NFATC2: variants seen among roughly 807,000 people sequenced by gnomAD.
The protein encoded by NFATC2 is nuclear factor of activated T cells 2, also known as nuclear factor of activated T-cells, cytoplasmic 2.
In NFATC2, 22 loss-of-function variants were observed where a neutral mutation model predicts 87.3. That is an observed-to-expected ratio of 0.25 (90% confidence interval 0.18 to 0.36). The LOEUF (loss-of-function observed/expected upper bound fraction) is 0.36. Ranked by LOEUF, NFATC2 falls within the 10% of genes least tolerant of loss-of-function variation. The pLI, the probability that NFATC2 is intolerant of heterozygous loss-of-function variation, is 1.00. For missense variants in NFATC2, 1,149 were observed against 1,259.1 expected (o/e 0.91, Z 1.32); for synonymous variants, 565 against 542.2 (o/e 1.04, Z -0.58).
At chr20:51,540,337 T>A (rs373820521) in intron 1 of NFATC2, among the ~76,000 whole-genome samples, 11 of 152,152 alleles carry the variant, frequency 7.2e-5, no homozygotes, top group African/African-American at 2.4e-4. Flanking sequence ...CTTGATACGA[T>A]GTGATGAGAA....
chr20:51,550,179 A>G (rs1056174444), intron 1 of NFATC2, among the ~76,000 whole-genome samples: 1 of 152,180 alleles, frequency 6.6e-6, no homozygotes, highest in Non-Finnish European at 1.5e-5. Context: ...TCCTGTCTCT[A>G]TGAAAAATAA....
intron 5 of NFATC2, among the ~76,000 whole-genome samples, chr20:51,463,139 C>A (rs1987324943): frequency 6.6e-6 from 1 of 152,260 alleles, no homozygotes; most frequent in Admixed American, 6.5e-5. Flanking sequence ...CCGACTCAGG[C>A]ATCTCCCGGG....
intron 1 of NFATC2, among the ~76,000 whole-genome samples, chr20:51,553,469 A>T (rs1428093830): frequency 6.6e-6 from 1 of 151,944 alleles, no homozygotes; most frequent in Non-Finnish European, 1.5e-5. Flanking sequence ...AGGTCAGGAG[A>T]TCGAGACCAT....
intron 9 of NFATC2, among the ~76,000 whole-genome samples, chr20:51,407,792 T>A (rs1465814855): frequency 6.6e-6 from 1 of 152,238 alleles, no homozygotes; most frequent in South Asian, 2.1e-4. Context: ...TCTGGAACCC[T>A]AAGCCTTCAC....
intron 9 of NFATC2, among the ~76,000 whole-genome samples, chr20:51,431,346 C>G (rs142182563): frequency 6.6e-6 from 1 of 152,136 alleles, no homozygotes; most frequent in Non-Finnish European, 1.5e-5. Context: ...GATCCTGGAC[C>G]AACACCTCAT....
chr20:51,394,207 C>T (rs113137707), intron 10 of NFATC2, among the ~76,000 whole-genome samples: 132 of 152,148 alleles, frequency 8.7e-4, no homozygotes, highest in Non-Finnish European at 1.3e-3. Flanking sequence ...ACAGAAATGC[C>T]GGCTAGGTGG....
intron 6 of NFATC2, among the ~76,000 whole-genome samples, chr20:51,446,634 G>A (rs1030257949): frequency 3.9e-5 from 6 of 152,238 alleles, no homozygotes; most frequent in African/African-American, 1.4e-4. Flanking sequence ...GGAATGAACT[G>A]CAGGATTCTT....
At chr20:51,436,393 A>AT (rs11481937) in intron 6 of NFATC2, among the ~76,000 whole-genome samples, 88,216 of 142,272 alleles carry the variant, frequency 0.62, 28,691 homozygotes, top group Non-Finnish European at 0.72. Flanking sequence ...CTATCTTTCT[A>AT]TTTTTTTTTT....
At chr20:51,561,303 G>A (rs1262470466) in intron 1 of NFATC2, among the ~76,000 whole-genome samples, 1 of 131,642 alleles carries the variant, frequency 7.6e-6, no homozygotes, top group African/African-American at 3.0e-5. Context: ...CCTAACCCAA[G>A]GCATTTGGCT....
At position 51,523,811 on chromosome 20, in the gene NFATC2, C is replaced by G. The variant is rs1414109385; in HGVS notation, c.430G>C (p.Gly144Arg). The G allele has an allele frequency of 1.1e-5, 17 of 1,608,132 alleles. No homozygotes were observed. Among genetic ancestry groups the G allele is most frequent in the Non-Finnish European group, 1.4e-5 (16 of 1,177,462 alleles). ...GTGAACCTCGGGCTGGCGGCCACCCCGGCCAGGGGCGGCTGCTCCACCAGG... is the reference window on the plus strand; with the variant it reads ...GTGAACCTCGGGCTGGCGGCCACCCGGGCCAGGGGCGGCTGCTCCACCAGG... ...GLLVEQPPLA[G>R]VAASPRFTLP... Residue 144 changes from glycine to arginine, a missense_variant, in exon 2 of 11, where the codon GGG becomes CGG. By Grantham distance (125) the Gly-to-Arg change is moderately radical. This residue lies in a region of NFATC2 where 563 missense variants were observed against 585.2 expected (regional missense o/e 0.96). Transcript: ENST00000371564. This position sits in a 1 kb window ranked among gnomAD's most constrained non-coding sequence, Gnocchi z 6.9.
intron 1 of NFATC2, 67 bp downstream of exon 1, chr20:51,542,303 G>T: frequency 6.5e-7 from 1 of 1,543,042 alleles, no homozygotes; most frequent in Admixed American, 2.1e-5. Flanking sequence ...GAGGACTCCT[G>T]TGCCCAGTCC....
intron 6 of NFATC2, among the ~76,000 whole-genome samples, chr20:51,447,209 G>C (rs1490786336): frequency 6.6e-6 from 1 of 152,214 alleles, no homozygotes; most frequent in Non-Finnish European, 1.5e-5. Flanking sequence ...CAGTGGGAAA[G>C]AGGGAATTCC....
chr20:51,427,660 G>A (rs1600709430), intron 9 of NFATC2, among the ~76,000 whole-genome samples: 2 of 152,126 alleles, frequency 1.3e-5, no homozygotes, highest in East Asian at 1.9e-4. Flanking sequence ...GCAAGCCCAC[G>A]TCTCCGAGTT....
chr20:51,471,153 G>A (rs1000809966), intron 5 of NFATC2, among the ~76,000 whole-genome samples: 1 of 152,160 alleles, frequency 6.6e-6, no homozygotes, highest in Non-Finnish European at 1.5e-5. Flanking sequence ...GGTACATGTG[G>A]TTAAGCGATG....
At position 51,519,365 on chromosome 20, in the gene NFATC2, G is replaced by A. The variant is rs1040628741; in HGVS notation, c.1161-2410C>T. Among the ~76,000 whole-genome samples the A allele has an allele frequency of 2.6e-5, 4 of 151,580 alleles. No individual in the cohort carries two copies. In the East Asian group the frequency reaches 5.8e-4, roughly 22 times the overall value. ...GAAGTAGAGCATGCCTGTAATCCCA[G>A]CACTTATGGGAGGCTGAAGCGGGTG... On this transcript the variant is annotated intron_variant, in intron 2 of 10. Transcript: ENST00000371564.
intron 9 of NFATC2, among the ~76,000 whole-genome samples, chr20:51,418,659 G>GTTTTTTTTTTTTTTTTTT (rs752511466): frequency 8.0e-6 from 1 of 125,106 alleles, no homozygotes; most frequent in African/African-American, 3.4e-5. Context: ...TGTTTGTTTG[G>GTTTTTTTTTTTTTTTTTT]TTTTTTTTTT....
chr20:51,543,948 T>C (rs1408235564), upstream of NFATC2, among the ~76,000 whole-genome samples: 1 of 140,310 alleles, frequency 7.1e-6, no homozygotes, highest in Non-Finnish European at 1.5e-5. Context: ...TGGGCTGCAA[T>C]CCAAACCCAC....
chr20:51,400,444 C>G (rs936162479), intron 9 of NFATC2, among the ~76,000 whole-genome samples: 4 of 144,374 alleles, frequency 2.8e-5, no homozygotes, highest in African/African-American at 1.0e-4. Context: ...CACCAAACCA[C>G]ATGGTGCCCA....
chr20:51,474,712 T>C (rs1336059498), intron 4 of NFATC2, among the ~76,000 whole-genome samples: 1 of 152,166 alleles, frequency 6.6e-6, no homozygotes, highest in Admixed American at 6.5e-5. Flanking sequence ...CTTGCAGTAT[T>C]TCTGTAAGTT....
Sources: gnomAD v4.1 joint callset for allele counts (sites outside exome capture counted in the v4.1 genomes callset) on GRCh38, gnomAD v4.1.1 for gene constraint, gnomAD v4.1.1 regional missense constraint, Gnocchi (gnomAD v3.1) non-coding constraint, MANE v1.5 for transcripts, NCBI Gene and HGNC (gene_info 2026-07-23, HGNC 2026-07-21) for gene names.